Variants in KCNQ1 observed in about 807,000 individuals in gnomAD.
The protein encoded by KCNQ1 is potassium voltage-gated channel subfamily Q member 1, also known as potassium voltage-gated channel subfamily KQT member 1.
A neutral mutation model predicts 72.4 loss-of-function variants in KCNQ1; 49 were observed. The observed-to-expected ratio is 0.68, with a 90% confidence interval of 0.54 to 0.86. The LOEUF (loss-of-function observed/expected upper bound fraction) is 0.86, where lower values mean the gene tolerates loss of function less well. KCNQ1 is among the 40% of genes least tolerant of loss of function. The probability of loss-of-function intolerance (pLI) is 0.00; values close to 1 mark genes in which losing one functional copy is unlikely to be tolerated. For synonymous variants in KCNQ1, 450 were observed against 412.6 expected, an observed-to-expected ratio of 1.09 and a Z score of -1.10; for missense variants, 790 against 945.1, an observed-to-expected ratio of 0.84 and a Z score of 2.15.
At chr11:2,560,898 G>A (rs917807194) in intron 2 of KCNQ1, among the ~76,000 whole-genome samples, 2 of 152,218 alleles carry the variant, frequency 1.3e-5, no homozygotes, top group East Asian at 3.9e-4. Context: ...TGCAGGGAGA[G>A]TGAGGCTGCG....
At chr11:2,699,246 G>C (rs1850730318) in intron 11 of KCNQ1, 5 of 398,836 alleles carry the variant, frequency 1.3e-5, no homozygotes, top group Non-Finnish European at 2.2e-5. Context: ...TGTCCATAAG[G>C]TGCAGATGGG....
In KCNQ1 at chr11:2,709,132, C is replaced by G. The variant is rs565889288; in HGVS notation, c.1514+47051C>G. Among the ~76,000 whole-genome samples, 5 of 152,272 alleles carry G rather than the reference C, an allele frequency of 3.3e-5. No individual in the cohort carries two copies. In the South Asian group the frequency reaches 1.0e-3, roughly 32 times the overall value. ...GTGCTGCACAGAATTCGCTGTAACC[C>G]TGTTGTGGCACGGGGTCTGTTTAGC... On this transcript the variant is annotated intron_variant, in intron 11 of 15. Coordinates refer to ENST00000155840, the MANE Select transcript of KCNQ1 (RefSeq NM_000218.3).
intron 15 of KCNQ1, among the ~76,000 whole-genome samples, chr11:2,794,519 CAG>C (rs1057394336): frequency 6.6e-6 from 1 of 152,110 alleles, no homozygotes; most frequent in Non-Finnish European, 1.5e-5. Context: ...AGGGGCGGCA[CAG>C]GGGAGAAGCA....
intron 1 of KCNQ1, among the ~76,000 whole-genome samples, chr11:2,510,553 C>T (rs942953255): frequency 6.6e-6 from 1 of 152,198 alleles, no homozygotes; most frequent in Non-Finnish European, 1.5e-5. Flanking sequence ...TTGCAGTGAG[C>T]TCAGATTGTG....
At chr11:2,605,467 T>C (rs1049339253) in intron 10 of KCNQ1, among the ~76,000 whole-genome samples, 2 of 152,348 alleles carry the variant, frequency 1.3e-5, no homozygotes, top group Admixed American at 1.3e-4. Context: ...TTAATTTTTA[T>C]ATATGATGTG....
rs1407247282 is a variant in KCNQ1 at position 2,768,298 on chromosome 11, C to T, written c.1515-546C>T. ...AAAGGATCTTTATTTCTAGAAGAAA[C>T]TTTAGGAGGCAAAAACAGCGCAGCC... On this transcript the variant is annotated intron_variant, in intron 11 of 15. Transcript: ENST00000155840. This position sits in a 1 kb window ranked among gnomAD's most constrained non-coding sequence, Gnocchi z 6.7. 1.3e-5 allele frequency among the ~76,000 whole-genome samples: 2 copies of T among 152,178 alleles called. No individual in the cohort carries two copies. The highest frequency in any genetic ancestry group is 2.9e-5 in the Non-Finnish European group (2 of 68,016).
At chr11:2,619,593 C>T (rs1376926179) in intron 10 of KCNQ1, 3 of 398,252 alleles carry the variant, frequency 7.5e-6, no homozygotes, top group South Asian at 1.3e-4. Flanking sequence ...ATTTTTGCAT[C>T]GGTATTCTTG....
intron 11 of KCNQ1, chr11:2,680,915 A>G (rs1850385666): frequency 7.5e-6 from 3 of 398,444 alleles, no homozygotes; most frequent in South Asian, 1.3e-4. Flanking sequence ...GTATGACCCA[A>G]TTTGGGTTTG....
intron 1 of KCNQ1, among the ~76,000 whole-genome samples, chr11:2,524,536 C>T (rs1847461072): frequency 2.0e-5 from 3 of 152,250 alleles, no homozygotes; most frequent in Admixed American, 6.5e-5. Flanking sequence ...TGAGCAGGGG[C>T]GTGGGTAGCG....
rs1849911984 is a variant in KCNQ1 at position 2,659,474 on chromosome 11, T to C, written c.1394-2487T>C. On this transcript the variant is annotated intron_variant, in intron 10 of 15. Coordinates refer to ENST00000155840, the MANE Select transcript of KCNQ1 (RefSeq NM_000218.3). This position sits in a 1 kb window ranked among gnomAD's most constrained non-coding sequence, Gnocchi z 4.3. Reference sequence around the variant, plus strand: ...TATTGCTGGGTGGTATTCCATTGCATGAATATATACATTTTGTTTATGCAT... The same window carrying C: ...TATTGCTGGGTGGTATTCCATTGCACGAATATATACATTTTGTTTATGCAT... 2 of 398,614 alleles carry C rather than the reference T, an allele frequency of 5.0e-6. No individual in the cohort carries two copies. Among genetic ancestry groups the C allele is most frequent in the East Asian group, 3.6e-5 (1 of 28,058 alleles). 24.7% of individuals were successfully genotyped at this position (398,614 alleles called of 1,614,324 possible). A position where few individuals can be genotyped will look rare whatever the true frequency, so the allele number is the denominator to read the frequency against.
intron 13 of KCNQ1, 55 bp downstream of exon 13, chr11:2,776,109 C>A: frequency 7.0e-7 from 1 of 1,429,210 alleles, no homozygotes; most frequent in Non-Finnish European, 9.6e-7. Flanking sequence ...CCAGCCCGGC[C>A]CCAGCTGCAT....
At chr11:2,773,222 C>T (rs1004025990) in intron 12 of KCNQ1, among the ~76,000 whole-genome samples, 3 of 151,928 alleles carry the variant, frequency 2.0e-5, no homozygotes, top group Non-Finnish European at 2.9e-5. Context: ...GGCTCAGTAT[C>T]CCATCTTATA....
At chr11:2,778,064 G>T in intron 15 of KCNQ1, 27 bp downstream of exon 15, 1 of 1,611,008 alleles carries the variant, frequency 6.2e-7, no homozygotes, top group Non-Finnish European at 8.5e-7. Flanking sequence ...GCCTGCGGTG[G>T]TTCTGGTTAG....
At position 2,536,226 on chromosome 11, in the gene KCNQ1, C is replaced by T. The variant is rs1847729679; in HGVS notation, c.477+8208C>T. Among the ~76,000 whole-genome samples, 1 of 152,200 alleles carries T rather than the reference C, an allele frequency of 6.6e-6. No homozygotes were observed. The highest frequency in any genetic ancestry group is 2.1e-4 in the South Asian group (1 of 4,830). Reference sequence around the variant, plus strand: ...CGCGGCTCCACGGTGTTAAGGGATTCTAGAAATTTCCTGCTGTGCCAGGCT... The same window carrying T: ...CGCGGCTCCACGGTGTTAAGGGATTTTAGAAATTTCCTGCTGTGCCAGGCT... On this transcript the variant is annotated intron_variant, in intron 2 of 15. Coordinates refer to ENST00000155840, the MANE Select transcript of KCNQ1 (RefSeq NM_000218.3). The surrounding 1 kb of genome is among the most constrained non-coding windows in gnomAD (Gnocchi z 7.4).
rs891538393 is a variant in KCNQ1 at position 2,588,242 on chromosome 11, A to G, written c.1252-471A>G. Reference sequence around the variant, plus strand: ...TGGCCCGTGCCCACCCCCTGTGGAGAGACCTGGCCTTCCCAGTTTCCAGCT... The same window carrying G: ...TGGCCCGTGCCCACCCCCTGTGGAGGGACCTGGCCTTCCCAGTTTCCAGCT... On this transcript the variant is annotated intron_variant, in intron 9 of 15. Transcript: ENST00000155840. This position sits in a 1 kb window ranked among gnomAD's most constrained non-coding sequence, Gnocchi z 5.6. 6.6e-6 allele frequency among the ~76,000 whole-genome samples: 1 copy of G among 151,888 alleles called. No homozygotes were observed. Among genetic ancestry groups the G allele is most frequent in the Non-Finnish European group, 1.5e-5 (1 of 67,922 alleles).
chr11:2,491,094 A>T lies in KCNQ1; in HGVS notation c.387-36834A>T, dbSNP rs1213700056. Among the ~76,000 whole-genome samples the T allele has an allele frequency of 2.0e-5, 3 of 152,210 alleles. No homozygotes were observed. The highest frequency in any genetic ancestry group is 7.2e-5 in the African/African-American group (3 of 41,452). On this transcript the variant is annotated intron_variant, in intron 1 of 15. Coordinates refer to ENST00000155840, the MANE Select transcript of KCNQ1 (RefSeq NM_000218.3). The surrounding 1 kb of genome is among the most constrained non-coding windows in gnomAD (Gnocchi z 4.1). The stretch of plus-strand genomic sequence containing the variant: ...ATGCAGATACGGCTTAGATCACAAC[A>T]CCCAAGTCCCTTTGAATACCTGGAA...
intron 1 of KCNQ1, among the ~76,000 whole-genome samples, chr11:2,460,732 A>T (rs576641009): frequency 6.6e-6 from 1 of 152,262 alleles, no homozygotes; most frequent in Non-Finnish European, 1.5e-5. Context: ...GCAACCCCCC[A>T]TCCGGGTGGC....
chr11:2,650,532 A>G (rs115222467), intron 10 of KCNQ1: 17 of 398,676 alleles, frequency 4.3e-5, no homozygotes, highest in African/African-American at 3.3e-4. Flanking sequence ...CATCAGTGGT[A>G]TCTGCAAGTT....
At chr11:2,739,114 C>A (rs1020765659) in intron 11 of KCNQ1, among the ~76,000 whole-genome samples, 2 of 152,210 alleles carry the variant, frequency 1.3e-5, no homozygotes, top group Non-Finnish European at 1.5e-5. Flanking sequence ...CCTGGGGTGG[C>A]CTTGAGTGTG....
Sources: gnomAD v4.1 joint callset for allele counts (sites outside exome capture counted in the v4.1 genomes callset) on GRCh38, gnomAD v4.1.1 for gene constraint, Gnocchi (gnomAD v3.1) non-coding constraint, MANE v1.5 for transcripts, NCBI Gene and HGNC (gene_info 2026-07-23, HGNC 2026-07-21) for gene names.